The following MKNK1 variants were observed in gnomAD, a reference collection of about 807,000 sequenced individuals.
MKNK1 encodes the protein MAP kinase-interacting serine/threonine-protein kinase 1.
Under a neutral mutation model 49.3 loss-of-function variants are expected in MKNK1, and 30 were observed. That is an observed-to-expected ratio of 0.61 (90% confidence interval 0.46 to 0.83). MKNK1 has a LOEUF of 0.83. MKNK1 is among the 40% of genes least tolerant of loss of function. The probability of loss-of-function intolerance (pLI) is 0.00; values close to 1 mark genes in which losing one functional copy is unlikely to be tolerated. For missense variants in MKNK1, 423 were observed against 524.7 expected (o/e 0.81, Z 1.89); for synonymous variants, 176 against 201.7 (o/e 0.87, Z 1.08).
At chr1:46,587,960 G>C (rs1236759818) in intron 2 of MKNK1, among the ~76,000 whole-genome samples, 1 of 152,134 alleles carries the variant, frequency 6.6e-6, no homozygotes, top group Admixed American at 6.5e-5. Flanking sequence ...CTGCTAATAC[G>C]CTACAATTTT....
intron 1 of MKNK1, among the ~76,000 whole-genome samples, chr1:46,597,977 T>C (rs910169342): frequency 6.6e-6 from 1 of 152,218 alleles, no homozygotes; most frequent in Non-Finnish European, 1.5e-5. Context: ...CAAGGCTGTT[T>C]AGCCGGGAGA....
chr1:46,584,116 G>C (rs1052862528), intron 2 of MKNK1, among the ~76,000 whole-genome samples: 1 of 152,212 alleles, frequency 6.6e-6, no homozygotes, highest in African/African-American at 2.4e-5. Context: ...TTCAGACACT[G>C]CACAGATTGG....
At chr1:46,565,159 G>T in intron 8 of MKNK1, 23 bp from the exon 9 acceptor site, 1 of 1,608,058 alleles carries the variant, frequency 6.2e-7, no homozygotes, top group South Asian at 1.1e-5. Context: ...ACAGAAGACA[G>T]GGTCACAGAT....
chr1:46,583,953 G>A (rs1345258263), intron 2 of MKNK1, among the ~76,000 whole-genome samples: 1 of 152,218 alleles, frequency 6.6e-6, no homozygotes, highest in African/African-American at 2.4e-5. Flanking sequence ...CTCCTCCATC[G>A]GAAGGGCTGC....
chr1:46,604,217 G>T lies in MKNK1; in HGVS notation c.-203C>A, dbSNP rs995427335. 6 of 152,298 alleles carry T rather than the reference G, an allele frequency of 3.9e-5. No homozygotes were observed. Among genetic ancestry groups the T allele is most frequent in the African/African-American group, 1.4e-4 (6 of 41,456 alleles). The allele number at this position is 152,298 out of a possible 1,614,324, so 9.4% of individuals were successfully genotyped here. On this transcript the variant is annotated 5_prime_UTR_variant, in exon 1 of 13. Transcript: ENST00000371945. ...GGCTCCCGCCGGGGAGCGGTCGCGC[G>T]CACCCCTACCTGCAGATCGCTCCTC...
rs542433997 is a variant in MKNK1 at position 46,567,699 on chromosome 1, C to T, written c.513+744G>A. 3.3e-5 allele frequency among the ~76,000 whole-genome samples: 5 copies of T among 152,358 alleles called. No homozygotes were observed. In the South Asian group the frequency reaches 1.0e-3, roughly 32 times the overall value. On this transcript the variant is annotated intron_variant, in intron 8 of 12. Coordinates refer to ENST00000371945, the MANE Select transcript of MKNK1 (RefSeq NM_001135553.4). ...CAATATATATGCTCTTGAATACACA[C>T]ATGTATATACACGCAGAGCTGTGAA... is the stretch of plus-strand genomic sequence containing the variant.
chr1:46,602,466 C>T (rs1316118390), intron 1 of MKNK1, among the ~76,000 whole-genome samples: 1 of 152,090 alleles, frequency 6.6e-6, no homozygotes, highest in Non-Finnish European at 1.5e-5. Flanking sequence ...GCACAGGTTG[C>T]AGGTTTGGGA....
Position 46,564,915 on chromosome 1 carries a change from G to A in MKNK1, c.609+126C>T, listed in dbSNP as rs1014908205. 17 of 908,742 alleles carry A rather than the reference G, an allele frequency of 1.9e-5. No individual in the cohort carries two copies. The African/African-American group carries it at 2.5e-4, about 13-fold the overall frequency. The allele number at this position is 908,742 out of a possible 1,614,324, so 56.3% of individuals were successfully genotyped here. On this transcript the variant is annotated intron_variant, in intron 9 of 12. Coordinates refer to ENST00000371945, the MANE Select transcript of MKNK1 (RefSeq NM_001135553.4). ...ACGAACACAGAGCAGCAAGCAAAAT[G>A]ATCACTCAGGCAGCAGGAAGATAGG...
At chr1:46,572,456 G>A (rs1670334914) in intron 6 of MKNK1, among the ~76,000 whole-genome samples, 1 of 152,032 alleles carries the variant, frequency 6.6e-6, no homozygotes. Flanking sequence ...CCGACCAAGT[G>A]ATCCGCCTGC....
intron 6 of MKNK1, chr1:46,573,619 G>A (rs1283768050): frequency 6.6e-6 from 1 of 152,146 alleles, no homozygotes; most frequent in Non-Finnish European, 1.5e-5. Context: ...ATCCCAATGT[G>A]CTAGGGAACA....
chr1:46,568,688 G>A (rs1669537007), intron 7 of MKNK1, 190 bp from the exon 8 acceptor site: 1 of 602,426 alleles, frequency 1.7e-6, no homozygotes, highest in South Asian at 2.0e-5. Flanking sequence ...TGATTCTGCG[G>A]GTTCTTTTGA....
At chr1:46,579,829 G>A (rs1433482651) in intron 4 of MKNK1, among the ~76,000 whole-genome samples, 1 of 152,172 alleles carries the variant, frequency 6.6e-6, no homozygotes, top group East Asian at 1.9e-4. Context: ...GAGGCCAGAA[G>A]CCACTTCTCC....
intron 6 of MKNK1, 173 bp downstream of exon 6, chr1:46,574,774 T>C (rs188896735): frequency 5.2e-6 from 3 of 577,352 alleles, no homozygotes; most frequent in East Asian, 2.9e-5. Flanking sequence ...CTCTGCAAAA[T>C]GCTAATTATC....
Position 46,565,071 on chromosome 1 carries a change from G to C in MKNK1, c.579C>G (p.Thr193=). The change falls in exon 9 of 13, where the codon ACC becomes ACG. Residue 193 remains threonine, a synonymous_variant. Coordinates refer to ENST00000371945, the MANE Select transcript of MKNK1 (RefSeq NM_001135553.4). ...TGGTCAGCTCTGGTGTGGTTATGGGGGTACAGGAGTTGTTCAGTTTCATCC... is the reference window on the plus strand; with the variant it reads ...TGGTCAGCTCTGGTGTGGTTATGGGCGTACAGGAGTTGTTCAGTTTCATCC... ...GSGMKLNNSC[T]PITTPELTTP... is the part of the protein sequence containing the mutation. 1 of 1,614,184 alleles carries C rather than the reference G, an allele frequency of 6.2e-7. No individual in the cohort carries two copies. Among genetic ancestry groups the C allele is most frequent in the Non-Finnish European group, 8.5e-7 (1 of 1,180,030 alleles).
At position 46,558,591 on chromosome 1, in the gene MKNK1, G is replaced by A. The variant is rs373002774; in HGVS notation, c.1223C>T (p.Pro408Leu). ...AQAGRGEDRS[P>L]PTAL ...TGGAGCATTTCAGAGTGCTGTGGGC[G>A]GGCTCCTGTCTTCACCACGGCCTGC... The change falls in exon 13 of 13, where the codon CCG (proline) becomes CTG (leucine). Residue 408 changes from proline (P) to leucine (L), a missense_variant. By Grantham distance (98) the Pro-to-Leu change is moderately conservative. Coordinates refer to ENST00000371945, the MANE Select transcript of MKNK1 (RefSeq NM_001135553.4). 72 of 1,610,976 alleles carry A rather than the reference G, an allele frequency of 4.5e-5. 1 individual carries two copies. Among genetic ancestry groups the A allele is most frequent in the Middle Eastern group, 3.3e-4 (2 of 6,058 alleles).
chr1:46,559,095 G>C (rs969058680), intron 12 of MKNK1, among the ~76,000 whole-genome samples: 2 of 152,206 alleles, frequency 1.3e-5, no homozygotes, highest in African/African-American at 4.8e-5. Context: ...AGGTCTACCA[G>C]AGGCAGAGAC....
rs920534169 is a variant in MKNK1, at chr1:46,557,478, C to T, written c.*1097G>A. 7 of 152,562 alleles carry T rather than the reference C, an allele frequency of 4.6e-5. No homozygotes were observed. Among genetic ancestry groups the T allele is most frequent in the Non-Finnish European group, 7.3e-5 (5 of 68,038 alleles). The allele number at this position is 152,562 out of a possible 1,614,324, so 9.5% of individuals were successfully genotyped here. On this transcript the variant is annotated 3_prime_UTR_variant, in exon 13 of 13. Coordinates refer to ENST00000371945, the MANE Select transcript of MKNK1 (RefSeq NM_001135553.4). ...TAAAAGCACCGTGGTGTTGTATAAA[C>T]GTCTGCCTGACAAATGCAAATCTAT... is the stretch of plus-strand genomic sequence containing the variant.
intron 8 of MKNK1, among the ~76,000 whole-genome samples, chr1:46,566,140 T>A (rs1021076567): frequency 1.3e-5 from 2 of 152,220 alleles, no homozygotes; most frequent in African/African-American, 2.4e-5. Flanking sequence ...TAACTCCCAT[T>A]CTTTCTTCCC....
intron 3 of MKNK1, 142 bp from the exon 4 acceptor site, chr1:46,580,769 A>G (rs1191614819): frequency 1.6e-6 from 1 of 609,536 alleles, no homozygotes; most frequent in African/African-American, 1.9e-5. Flanking sequence ...AAGGAAGACA[A>G]GTAGCTTTCC....
Sources: allele counts gnomAD v4.1 joint callset (sites outside exome capture counted in the v4.1 genomes callset), GRCh38; gene constraint gnomAD v4.1.1; transcripts MANE v1.5; gene names NCBI Gene and HGNC (gene_info 2026-07-23, HGNC 2026-07-21).